TBL1XR1: variants seen among roughly 807,000 people sequenced by gnomAD.
TBL1XR1 encodes F-box-like/WD repeat-containing protein TBL1XR1.
In TBL1XR1, 5 loss-of-function variants were observed where a neutral mutation model predicts 66.9. That is an observed-to-expected ratio of 0.07 (90% CI 0.04 to 0.16). The LOEUF (loss-of-function observed/expected upper bound fraction) is 0.16. TBL1XR1 is among the 10% of genes least tolerant of loss of function. TBL1XR1 has a pLI of 1.00. For synonymous variants in TBL1XR1, 210 were observed against 206.0 expected (o/e 1.02, Z -0.17); for missense variants, 238 against 623.2 (o/e 0.38, Z 6.58).
Position 177,130,156 on chromosome 3 carries a change from AAAG to A in TBL1XR1, c.-121-31618_-121-31616del, listed in dbSNP as rs1560208424. On this transcript the variant is annotated intron_variant, in intron 1 of 15. Transcript: ENST00000457928. ...TGAGACTCCATCTCAAAAAAAAAAA[AAAG>A]AAAGAAAGAAAAAGAATAAATAAAT... Among the ~76,000 whole-genome samples the A allele has an allele frequency of 6.0e-5, 9 of 149,856 alleles. 2 individuals are homozygous for A. The South Asian group carries it at 1.0e-3, about 17-fold the overall frequency.
intron 2 of TBL1XR1, among the ~76,000 whole-genome samples, chr3:177,082,298 T>C (rs934623862): frequency 6.6e-6 from 1 of 151,874 alleles, no homozygotes; most frequent in Admixed American, 6.6e-5. Flanking sequence ...GCTAGAAAAA[T>C]ATCAAACCCT....
intron 2 of TBL1XR1, among the ~76,000 whole-genome samples, chr3:177,070,841 G>A (rs79343825): frequency 0.36 from 54,627 of 150,244 alleles, 10,227 homozygotes; most frequent in East Asian, 0.51. Context: ...GCAAGACTCC[G>A]TCTCAAAAAA....
chr3:177,105,006 A>AGT (rs1223248347), intron 1 of TBL1XR1, among the ~76,000 whole-genome samples: 8 of 152,242 alleles, frequency 5.3e-5, no homozygotes, highest in African/African-American at 1.2e-4. Context: ...ACATAAGTCA[A>AGT]GTGTATTACT....
chr3:177,036,921 C>A (rs1714871161), intron 12 of TBL1XR1, among the ~76,000 whole-genome samples: 1 of 152,166 alleles, frequency 6.6e-6, no homozygotes, highest in Non-Finnish European at 1.5e-5. Context: ...GGAGAGGGCT[C>A]AAAGCTTCAT....
At chr3:177,153,982 T>C (rs545675076) in intron 1 of TBL1XR1, among the ~76,000 whole-genome samples, 1 of 149,588 alleles carries the variant, frequency 6.7e-6, no homozygotes. Flanking sequence ...GTGCTAATAA[T>C]TACTAAATCA....
chr3:177,147,448 ACAT>A (rs2108840356), intron 1 of TBL1XR1, among the ~76,000 whole-genome samples: 1 of 152,340 alleles, frequency 6.6e-6, no homozygotes, highest in Non-Finnish European at 1.5e-5. Flanking sequence ...GTTTTCCAAA[ACAT>A]CACTTTTGAG....
chr3:177,111,781 G>A (rs928945510), intron 1 of TBL1XR1, among the ~76,000 whole-genome samples: 1 of 151,928 alleles, frequency 6.6e-6, no homozygotes, highest in Non-Finnish European at 1.5e-5. Flanking sequence ...GATTTCAGAT[G>A]AGTCAGAGCT....
intron 1 of TBL1XR1, among the ~76,000 whole-genome samples, chr3:177,194,350 C>A (rs1736553878): frequency 6.6e-6 from 1 of 152,164 alleles, no homozygotes; most frequent in Non-Finnish European, 1.5e-5. Context: ...GAAATGAGTC[C>A]AATTCACATG....
chr3:177,106,150 C>CA (rs1000259483), intron 1 of TBL1XR1, among the ~76,000 whole-genome samples: 16 of 151,202 alleles, frequency 1.1e-4, no homozygotes, highest in South Asian at 4.2e-4. Context: ...AACATAATAA[C>CA]AAAAAAAAGA....
rs554367320 is a variant in TBL1XR1, at chr3:177,056,518, T to C, written c.59-2600A>G. On this transcript the variant is annotated intron_variant, in intron 3 of 15. Transcript: ENST00000457928. ...ATCCCTGAAGTAGTCATTAGCATTG[T>C]TTTGGCACTTCTCACTAATGTTTAC... 1.0e-3 allele frequency among the ~76,000 whole-genome samples: 154 copies of C among 152,358 alleles called. 2 individuals are homozygous for C. The highest frequency in any genetic ancestry group is 3.2e-4 in the Non-Finnish European group (22 of 68,030).
intron 14 of TBL1XR1, chr3:177,026,678 C>G (rs530204058): frequency 8.3e-6 from 4 of 481,350 alleles, no homozygotes; most frequent in African/African-American, 8.1e-5. Flanking sequence ...CAAAAGATTA[C>G]TCACACACAT....
At chr3:177,120,341 A>G (rs1726839769) in intron 1 of TBL1XR1, among the ~76,000 whole-genome samples, 1 of 152,256 alleles carries the variant, frequency 6.6e-6, no homozygotes, top group East Asian at 1.9e-4. Context: ...AAGAATGCTG[A>G]TAACATACCA....
intron 14 of TBL1XR1, 38 bp downstream of exon 14, chr3:177,032,933 T>C (rs1289577131): frequency 6.9e-7 from 1 of 1,450,408 alleles, no homozygotes; most frequent in East Asian, 2.4e-5. Context: ...TCTACCTAAA[T>C]TTAAGAGCAC....
intron 1 of TBL1XR1, among the ~76,000 whole-genome samples, chr3:177,118,201 GTC>G (rs764497409): frequency 6.6e-6 from 1 of 152,154 alleles, no homozygotes; most frequent in Non-Finnish European, 1.5e-5. Flanking sequence ...AGATCCCAGA[GTC>G]TGTTATTTCA....
chr3:177,117,804 C>G (rs1726486119), intron 1 of TBL1XR1, among the ~76,000 whole-genome samples: 1 of 152,146 alleles, frequency 6.6e-6, no homozygotes, highest in East Asian at 1.9e-4. Flanking sequence ...TAAAGTAAAA[C>G]TGGCGATTTC....
At chr3:177,177,045 G>C (rs1029849761) in intron 1 of TBL1XR1, among the ~76,000 whole-genome samples, 3 of 152,130 alleles carry the variant, frequency 2.0e-5, no homozygotes, top group Non-Finnish European at 2.9e-5. Context: ...AATGGGTCTG[G>C]TTCCGGTTGC....
chr3:177,073,772 G>C (rs1311116985), intron 2 of TBL1XR1, among the ~76,000 whole-genome samples: 3 of 152,158 alleles, frequency 2.0e-5, no homozygotes, highest in Admixed American at 1.3e-4. Context: ...GTGTAGCGGA[G>C]TGTGGAAGCT....
intron 10 of TBL1XR1, among the ~76,000 whole-genome samples, chr3:177,040,568 A>G (rs75679235): frequency 6.6e-6 from 1 of 152,344 alleles, no homozygotes; most frequent in Non-Finnish European, 1.5e-5. Context: ...AGAAGTAAAA[A>G]GAATGGGAAA....
chr3:177,125,564 G>A (rs890577147), intron 1 of TBL1XR1, among the ~76,000 whole-genome samples: 8 of 152,086 alleles, frequency 5.3e-5, no homozygotes, highest in African/African-American at 1.9e-4. Flanking sequence ...AAACTGACAA[G>A]TGTCTTTTTT....
Sources: allele counts gnomAD v4.1 joint callset (sites outside exome capture counted in the v4.1 genomes callset), GRCh38; gene constraint gnomAD v4.1.1; transcripts MANE v1.5; gene names NCBI Gene and HGNC (gene_info 2026-07-23, HGNC 2026-07-21).